CCDC85C: variants seen among roughly 807,000 people sequenced by gnomAD.
CCDC85C encodes the protein coiled-coil domain-containing protein 85C.
A neutral mutation model predicts 38.3 loss-of-function variants in CCDC85C; 18 were observed. The observed-to-expected ratio is 0.47, with a 90% CI of 0.33 to 0.70. The LOEUF is 0.70. CCDC85C is among the 30% of genes least tolerant of loss of function. The pLI, the probability that CCDC85C is intolerant of heterozygous loss-of-function variation, is 0.03. For missense variants in CCDC85C, 566 were observed against 621.2 expected (o/e 0.91, Z 0.94); for synonymous variants, 264 against 293.8 (o/e 0.90, Z 1.04).
Position 99,507,185 on chromosome 14 carries a change from A to C in CCDC85C, c.*8061T>G. On this transcript the variant is annotated 3_prime_UTR_variant, in exon 6 of 6. Transcript: ENST00000380243. Reference sequence around the variant, plus strand: ...TGAAGCAGCTTGGCCAGCTGTGCACATCGCCTCTGAATGTTGGACGCAGCA... The same window carrying C: ...TGAAGCAGCTTGGCCAGCTGTGCACCTCGCCTCTGAATGTTGGACGCAGCA... 1 of 1,239,616 alleles carries C rather than the reference A, an allele frequency of 8.1e-7. No homozygotes were observed. Among genetic ancestry groups the C allele is most frequent in the Non-Finnish European group, 1.2e-6 (1 of 839,280 alleles). The allele number at this position is 1,239,616 out of a possible 1,614,324, so 76.8% of individuals were successfully genotyped here. A position where few individuals can be genotyped will look rare whatever the true frequency, so the allele number is the denominator to read the frequency against.
At chr14:99,589,693 C>G (rs1595105229) in intron 1 of CCDC85C, among the ~76,000 whole-genome samples, 1 of 151,572 alleles carries the variant, frequency 6.6e-6, no homozygotes, top group South Asian at 2.1e-4. Flanking sequence ...GAGGCCACTG[C>G]CCATGTGACC....
At chr14:99,560,938 C>T (rs1898105375) in intron 1 of CCDC85C, among the ~76,000 whole-genome samples, 1 of 152,228 alleles carries the variant, frequency 6.6e-6, no homozygotes, top group Non-Finnish European at 1.5e-5. Flanking sequence ...CCCCCAGGCC[C>T]ACAGGGAGCC....
intron 1 of CCDC85C, among the ~76,000 whole-genome samples, chr14:99,536,860 C>T (rs2139919700): frequency 6.6e-6 from 1 of 152,318 alleles, no homozygotes; most frequent in South Asian, 2.1e-4. Flanking sequence ...ATCCCATCCC[C>T]ACCCCCACGT....
chr14:99,596,570 C>T (rs116556320), intron 1 of CCDC85C, among the ~76,000 whole-genome samples: 2,949 of 152,314 alleles, frequency 0.019, 87 homozygotes, highest in African/African-American at 0.067. Flanking sequence ...CCGGCTGACC[C>T]GGCTCCAGGC....
intron 1 of CCDC85C, chr14:99,579,876 G>C: frequency 3.1e-6 from 1 of 324,736 alleles, no homozygotes; most frequent in South Asian, 2.3e-5. Flanking sequence ...TGGTCGTTAG[G>C]CTGTCTACCA....
chr14:99,568,073 A>G (rs1181550220), intron 1 of CCDC85C, among the ~76,000 whole-genome samples: 1 of 152,018 alleles, frequency 6.6e-6, no homozygotes, highest in African/African-American at 2.4e-5. Flanking sequence ...CTGGTCCCAG[A>G]CTGGCCTGGT....
intron 2 of CCDC85C, among the ~76,000 whole-genome samples, chr14:99,531,408 A>T (rs1326428296): frequency 6.6e-6 from 1 of 152,186 alleles, no homozygotes; most frequent in Non-Finnish European, 1.5e-5. Flanking sequence ...CACAGGAAAA[A>T]TAAGAATGCA....
intron 1 of CCDC85C, among the ~76,000 whole-genome samples, chr14:99,540,671 G>C (rs561225681): frequency 6.6e-6 from 1 of 152,280 alleles, no homozygotes; most frequent in East Asian, 1.9e-4. Context: ...GGGGGCCATC[G>C]GACCAATTCT....
At position 99,510,239 on chromosome 14, in the gene CCDC85C, G is replaced by C. The variant is rs1897088129; in HGVS notation, c.*5007C>G. 2.5e-6 allele frequency: 4 copies of C among 1,593,214 alleles called. No individual in the cohort carries two copies. The highest frequency in any genetic ancestry group is 3.4e-6 in the Non-Finnish European group (4 of 1,173,400). On this transcript the variant is annotated 3_prime_UTR_variant, in exon 6 of 6. Coordinates refer to ENST00000380243, the MANE Select transcript of CCDC85C (RefSeq NM_001144995.2). ...ATGCCACTGACCTCCCCAAAGTCCA[G>C]ATTCCCCCTCCGGCCCACCCGGCCC...
chr14:99,517,776 AC>A (rs1343950172), intron 3 of CCDC85C, among the ~76,000 whole-genome samples: 1 of 152,052 alleles, frequency 6.6e-6, no homozygotes, highest in Non-Finnish European at 1.5e-5. Flanking sequence ...CTGCGTGTCT[AC>A]CCAGGGGCAG....
Position 99,509,965 on chromosome 14 carries a change from G to A in CCDC85C, c.*5281C>T. 1.6e-6 allele frequency: 1 copy of A among 620,006 alleles called. No homozygotes were observed. Among genetic ancestry groups the A allele is most frequent in the East Asian group, 2.8e-5 (1 of 36,024 alleles). The allele number at this position is 620,006 out of a possible 1,614,324, so 38.4% of individuals were successfully genotyped here. A position where few individuals can be genotyped will look rare whatever the true frequency, so the allele number is the denominator to read the frequency against. On this transcript the variant is annotated 3_prime_UTR_variant, in exon 6 of 6. Coordinates refer to ENST00000380243, the MANE Select transcript of CCDC85C (RefSeq NM_001144995.2). Reference sequence around the variant, plus strand: ...CAGGTCGTCGCAGACAGGGTGGAGGGCCTTCTTGACAGATGGTGGGGAGAC... The same window carrying A: ...CAGGTCGTCGCAGACAGGGTGGAGGACCTTCTTGACAGATGGTGGGGAGAC...
rs766722787 is a variant in CCDC85C at position 99,502,702 on chromosome 14, T to C, written c.*12544A>G. ...AATACCAATTTGTGTAAAATGTAAT[T>C]GTTGGCTATCATTTAGACATCTGCC... is the stretch of plus-strand genomic sequence containing the variant. On this transcript the variant is annotated 3_prime_UTR_variant, in exon 6 of 6. Transcript: ENST00000380243. The C allele has an allele frequency of 3.7e-6, 6 of 1,608,632 alleles. No homozygotes were observed. Among genetic ancestry groups the C allele is most frequent in the Non-Finnish European group, 5.1e-6 (6 of 1,175,256 alleles).
rs1896894581 is a variant in CCDC85C at position 99,503,539 on chromosome 14, C to T, written c.*11707G>A. On this transcript the variant is annotated 3_prime_UTR_variant, in exon 6 of 6. Coordinates refer to ENST00000380243, the MANE Select transcript of CCDC85C (RefSeq NM_001144995.2). ...ACTGCCGTCGCTGATTCTGGTGGTA[C>T]CTGGATAATCCATTTTTTTCTCATC... 3 of 1,340,050 alleles carry T rather than the reference C, an allele frequency of 2.2e-6. No individual in the cohort carries two copies. The Admixed American group carries it at 6.4e-5, about 28-fold the overall frequency. The allele number at this position is 1,340,050 out of a possible 1,614,324, so 83.0% of individuals were successfully genotyped here. A position where few individuals can be genotyped will look rare whatever the true frequency, so the allele number is the denominator to read the frequency against.
intron 1 of CCDC85C, among the ~76,000 whole-genome samples, chr14:99,536,765 A>G (rs1897609531): frequency 6.6e-6 from 1 of 152,194 alleles, no homozygotes; most frequent in Admixed American, 6.5e-5. Context: ...AGCCCTATCT[A>G]TGCAGACCAC....
rs534963224 is a variant in CCDC85C at position 99,544,162 on chromosome 14, C to T, written c.794-8074G>A. ...TGCTACCACTGTGTCATCGACAAGG[C>T]GCCTGAGACTCAGCGATGTTAGGCA... On this transcript the variant is annotated intron_variant, in intron 1 of 5. Transcript: ENST00000380243. The surrounding 1 kb of genome is among the most constrained non-coding windows in gnomAD (Gnocchi z 5.3). Among the ~76,000 whole-genome samples the T allele has an allele frequency of 1.3e-5, 2 of 152,308 alleles. No individual in the cohort carries two copies. Among genetic ancestry groups the T allele is most frequent in the African/African-American group, 2.4e-5 (1 of 41,566 alleles).
rs916159009 is a variant in CCDC85C at position 99,509,833 on chromosome 14, A to G, written c.*5413T>C. The G allele has an allele frequency of 7.5e-6, 3 of 399,146 alleles. No individual in the cohort carries two copies. Among genetic ancestry groups the G allele is most frequent in the Non-Finnish European group, 1.3e-5 (3 of 222,836 alleles). 24.7% of individuals were successfully genotyped at this position (399,146 alleles called of 1,614,324 possible). ...GGCAGAAAAACAGAGGAGCCCCCACACGTTTTGCACTAGGAAGAGGGGGCT... is the reference window on the plus strand; with the variant it reads ...GGCAGAAAAACAGAGGAGCCCCCACGCGTTTTGCACTAGGAAGAGGGGGCT... On this transcript the variant is annotated 3_prime_UTR_variant, in exon 6 of 6. Coordinates refer to ENST00000380243, the MANE Select transcript of CCDC85C (RefSeq NM_001144995.2).
Position 99,500,479 on chromosome 14 carries a change from A to G in CCDC85C, c.*14767T>C, listed in dbSNP as rs926589692. ...AATAACGTAAAGATCTGTTTTGTAA[A>G]GGGAGACTCATGTATGTATTGAAAA... On this transcript the variant is annotated 3_prime_UTR_variant, in exon 6 of 6. Transcript: ENST00000380243. The G allele has an allele frequency of 1.2e-5, 3 of 248,750 alleles. No homozygotes were observed. The highest frequency in any genetic ancestry group is 1.5e-5 in the Non-Finnish European group (2 of 131,606). The allele number at this position is 248,750 out of a possible 1,614,324, so 15.4% of individuals were successfully genotyped here. A position where few individuals can be genotyped will look rare whatever the true frequency, so the allele number is the denominator to read the frequency against.
chr14:99,530,165 G>A (rs1384909502), intron 2 of CCDC85C, among the ~76,000 whole-genome samples: 2 of 152,324 alleles, frequency 1.3e-5, no homozygotes, highest in Middle Eastern at 3.4e-3. Flanking sequence ...GCTAGGGCAC[G>A]GAGGTGGAAT....
At position 99,510,261 on chromosome 14, in the gene CCDC85C, G is replaced by GC; in HGVS notation, c.*4984dup. ...CCAGATTCCCCCTCCGGCCCACCCG[G>GC]CCCCTGTGCACCAGCCACCGCCGCT... is the stretch of plus-strand genomic sequence containing the variant. On this transcript the variant is annotated 3_prime_UTR_variant, in exon 6 of 6. Coordinates refer to ENST00000380243, the MANE Select transcript of CCDC85C (RefSeq NM_001144995.2). The GC allele has an allele frequency of 3.0e-6, 4 of 1,354,234 alleles. No homozygotes were observed. Among genetic ancestry groups the GC allele is most frequent in the Non-Finnish European group, 9.9e-7 (1 of 1,007,124 alleles). 83.9% of individuals were successfully genotyped at this position (1,354,234 alleles called of 1,614,324 possible).
Sources: allele counts gnomAD v4.1 joint callset (sites outside exome capture counted in the v4.1 genomes callset), GRCh38; gene constraint gnomAD v4.1.1; non-coding constraint Gnocchi (gnomAD v3.1); transcripts MANE v1.5; gene names NCBI Gene and HGNC (gene_info 2026-07-23, HGNC 2026-07-21).